The following LINGO2 variants were observed in gnomAD, a reference collection of about 807,000 sequenced individuals.
LINGO2 encodes the protein leucine rich repeat and Ig domain containing 2, also known as leucine-rich repeat and immunoglobulin-like domain-containing nogo receptor-interacting protein 2.
In LINGO2, 14 loss-of-function variants were observed where a neutral mutation model predicts 30.6. That is an observed-to-expected ratio of 0.46 (90% CI 0.30 to 0.72). The LOEUF (loss-of-function observed/expected upper bound fraction) is 0.72. LINGO2 is among the 30% of genes least tolerant of loss of function. LINGO2 has a pLI of 0.07. For missense variants in LINGO2, 729 were observed against 751.7 expected, an observed-to-expected ratio of 0.97 and a Z score of 0.35; for synonymous variants, 317 against 288.5, an observed-to-expected ratio of 1.10 and a Z score of -1.00.
At chr9:28,843,906 T>G in the LINGO2 span, among the ~76,000 whole-genome samples, 2 of 151,880 alleles carry the variant, frequency 1.3e-5, no homozygotes, top group Admixed American at 6.6e-5. Context: ...TCTTACAGAC[T>G]AGAGTAACTC....
At chr9:28,799,655 G>C in the LINGO2 span, among the ~76,000 whole-genome samples, 1 of 152,090 alleles carries the variant, frequency 6.6e-6, no homozygotes, top group East Asian at 1.9e-4. Flanking sequence ...GTTCCTCGTG[G>C]TAATTGATAA....
the LINGO2 span, among the ~76,000 whole-genome samples, chr9:28,995,758 A>G: frequency 6.6e-6 from 1 of 152,078 alleles, no homozygotes; most frequent in Non-Finnish European, 1.5e-5. Context: ...TTCTCAGTAA[A>G]CTATCGCAAG....
At chr9:29,024,107 T>A in the LINGO2 span, among the ~76,000 whole-genome samples, 1 of 152,054 alleles carries the variant, frequency 6.6e-6, no homozygotes, top group East Asian at 1.9e-4. Flanking sequence ...AATTTCAGCA[T>A]CAATAAAACC....
At chr9:29,189,031 A>G in the LINGO2 span, among the ~76,000 whole-genome samples, 453 of 120,586 alleles carry the variant, frequency 3.8e-3, 7 homozygotes, top group African/African-American at 0.015. Context: ...CCTACCTCCC[A>G]GACGGGGCGG....
chr9:28,479,757 A>C (rs1173914448), intron 1 of LINGO2, among the ~76,000 whole-genome samples: 1 of 150,840 alleles, frequency 6.6e-6, no homozygotes. Context: ...GTTCCTTTAA[A>C]GAACAGTCAT....
the LINGO2 span, among the ~76,000 whole-genome samples, chr9:29,156,256 G>A: frequency 3.3e-5 from 5 of 152,036 alleles, no homozygotes; most frequent in South Asian, 2.1e-4. Flanking sequence ...GAATTTTCAA[G>A]AGAGAAAAAA....
chr9:28,872,816 T>C, the LINGO2 span, among the ~76,000 whole-genome samples: 3 of 152,098 alleles, frequency 2.0e-5, no homozygotes, highest in Non-Finnish European at 2.9e-5. Context: ...TGATAACATC[T>C]ATGCAAAACC....
At chr9:28,585,425 C>A (rs1011474070) in intron 1 of LINGO2, among the ~76,000 whole-genome samples, 1 of 151,900 alleles carries the variant, frequency 6.6e-6, no homozygotes, top group African/African-American at 2.4e-5. Context: ...TCCAGACAGT[C>A]CCTAACTTAA....
At chr9:27,989,477 G>A (rs1821288348) in intron 5 of LINGO2, among the ~76,000 whole-genome samples, 1 of 150,242 alleles carries the variant, frequency 6.7e-6, no homozygotes, top group Middle Eastern at 3.4e-3. Flanking sequence ...GTGTGTGTGT[G>A]TATGTGTGCA....
Position 28,250,116 on chromosome 9 carries a change from T to G in LINGO2, c.-87+45092A>C, listed in dbSNP as rs952899036. ...GTGAATAAAACAGTCCCTGTCCTCA[T>G]GGGTCTTAACAATGAGTGGTTAAGA... is the stretch of plus-strand genomic sequence containing the variant. On this transcript the variant is annotated intron_variant, in intron 4 of 5. Transcript: ENST00000379992. 4.6e-5 allele frequency among the ~76,000 whole-genome samples: 7 copies of G among 152,156 alleles called. 1 individual carries two copies. The highest frequency in any genetic ancestry group is 1.7e-4 in the African/African-American group (7 of 41,458).
intron 1 of LINGO2, among the ~76,000 whole-genome samples, chr9:28,615,902 G>A (rs1587964357): frequency 6.6e-6 from 1 of 152,002 alleles, no homozygotes; most frequent in South Asian, 2.1e-4. Flanking sequence ...AAAAAAAGCA[G>A]GCAGAAAAGA....
intron 1 of LINGO2, among the ~76,000 whole-genome samples, chr9:28,620,824 C>T (rs548468118): frequency 1.6e-4 from 24 of 151,918 alleles, no homozygotes; most frequent in African/African-American, 5.8e-4. Context: ...TAGGACCTTT[C>T]GGAGGGTGGA....
chr9:29,207,049 A>T, the LINGO2 span, among the ~76,000 whole-genome samples: 1 of 151,842 alleles, frequency 6.6e-6, no homozygotes, highest in Non-Finnish European at 1.5e-5. Flanking sequence ...ACATATATAT[A>T]TGTAAATATA....
At chr9:28,058,173 T>A (rs1333112860) in intron 4 of LINGO2, among the ~76,000 whole-genome samples, 1 of 152,128 alleles carries the variant, frequency 6.6e-6, no homozygotes, top group Non-Finnish European at 1.5e-5. Context: ...CAAGGCTTAA[T>A]GGATCAAAGT....
chr9:28,160,394 C>A (rs1828251664), intron 4 of LINGO2, among the ~76,000 whole-genome samples: 2 of 152,140 alleles, frequency 1.3e-5, no homozygotes, highest in African/African-American at 4.8e-5. Flanking sequence ...AAAAAGAATT[C>A]TTCGCTGTCA....
intron 1 of LINGO2, among the ~76,000 whole-genome samples, chr9:28,599,906 T>C (rs1825390295): frequency 6.6e-6 from 1 of 152,170 alleles, no homozygotes; most frequent in African/African-American, 2.4e-5. Context: ...GTGTGTTACA[T>C]GGTATTTACT....
At chr9:28,776,830 C>CT in the LINGO2 span, among the ~76,000 whole-genome samples, 7,299 of 144,558 alleles carry the variant, frequency 0.05, 290 homozygotes, top group Admixed American at 0.12. Flanking sequence ...ACAGCTGCCT[C>CT]TTTTTTTTTT....
chr9:29,188,706 A>ACC, the LINGO2 span, among the ~76,000 whole-genome samples: 78 of 135,290 alleles, frequency 5.8e-4, no homozygotes, highest in Middle Eastern at 3.8e-3. Flanking sequence ...CGGGGGGCTG[A>ACC]CCCCCCCACC....
At chr9:28,647,540 G>A (rs1827895426) in intron 1 of LINGO2, among the ~76,000 whole-genome samples, 1 of 151,954 alleles carries the variant, frequency 6.6e-6, no homozygotes, top group Non-Finnish European at 1.5e-5. Flanking sequence ...CCCAATAGCA[G>A]AAAATGACAT....
Sources: gnomAD v4.1 joint callset for allele counts (sites outside exome capture counted in the v4.1 genomes callset) on GRCh38, gnomAD v4.1.1 for gene constraint, MANE v1.5 for transcripts, NCBI Gene and HGNC (gene_info 2026-07-23, HGNC 2026-07-21) for gene names.